OSBPL10: variants seen among roughly 807,000 people sequenced by gnomAD.
OSBPL10 encodes oxysterol-binding protein-related protein 10.
OSBPL10 carries 49 observed loss-of-function variants against 81.7 expected under a neutral mutation model. The observed-to-expected ratio is 0.60, with a 90% CI of 0.48 to 0.76. The LOEUF (loss-of-function observed/expected upper bound fraction) is 0.76. OSBPL10 is among the 30% of genes least tolerant of loss of function. The probability of loss-of-function intolerance (pLI) is 0.00; values close to 1 mark genes in which losing one functional copy is unlikely to be tolerated. For synonymous variants in OSBPL10, 419 were observed against 383.6 expected (o/e 1.09, Z -1.08); for missense variants, 923 against 987.8 (o/e 0.93, Z 0.88).
At chr3:31,754,473 A>G (rs1697826962) in intron 4 of OSBPL10, among the ~76,000 whole-genome samples, 2 of 152,194 alleles carry the variant, frequency 1.3e-5, no homozygotes, top group South Asian at 4.1e-4. Flanking sequence ...AAGAAAAAGA[A>G]GAAAGGAAAA....
chr3:31,771,489 T>C (rs1473252650), intron 4 of OSBPL10, among the ~76,000 whole-genome samples: 2 of 152,138 alleles, frequency 1.3e-5, no homozygotes, highest in African/African-American at 2.4e-5. Context: ...AAGGAATTAT[T>C]AACAGGACCC....
At chr3:31,897,355 C>T (rs544086566) in intron 1 of OSBPL10, among the ~76,000 whole-genome samples, 1 of 152,246 alleles carries the variant, frequency 6.6e-6, no homozygotes, top group Non-Finnish European at 1.5e-5. Context: ...GGCACTCTCT[C>T]AGAAGGCATC....
chr3:31,753,694 C>G (rs1697789901), intron 4 of OSBPL10, among the ~76,000 whole-genome samples: 1 of 152,188 alleles, frequency 6.6e-6, no homozygotes, highest in Non-Finnish European at 1.5e-5. Context: ...CAACACTCTG[C>G]CCTCTAAAAG....
intron 4 of OSBPL10, among the ~76,000 whole-genome samples, chr3:31,798,330 C>T (rs1014216746): frequency 7.9e-5 from 12 of 151,482 alleles, no homozygotes; most frequent in Non-Finnish European, 1.5e-5. Flanking sequence ...CTCAGGAAGC[C>T]GAGGCAGGAG....
chr3:31,988,255 G>A (rs546392255), intron 2 of OSBPL10, among the ~76,000 whole-genome samples: 7 of 152,246 alleles, frequency 4.6e-5, no homozygotes, highest in African/African-American at 1.2e-4. Flanking sequence ...CGGCACTTAC[G>A]GAGCTAAACT....
At chr3:32,014,877 C>A (rs1188383776) in intron 2 of OSBPL10, among the ~76,000 whole-genome samples, 1 of 152,074 alleles carries the variant, frequency 6.6e-6, no homozygotes, top group Non-Finnish European at 1.5e-5. Flanking sequence ...ACCTAGGAAT[C>A]CAACTTACAA....
chr3:31,946,578 C>T (rs973789914), intron 1 of OSBPL10, among the ~76,000 whole-genome samples: 5 of 152,112 alleles, frequency 3.3e-5, no homozygotes, highest in Non-Finnish European at 5.9e-5. Context: ...AGAGCAATTG[C>T]GGGAGGCACA....
chr3:31,912,485 A>AG (rs1200006949), intron 1 of OSBPL10, among the ~76,000 whole-genome samples: 2 of 152,134 alleles, frequency 1.3e-5, no homozygotes, highest in Non-Finnish European at 2.9e-5. Context: ...GTTATTGAGA[A>AG]GTTCCAAATG....
At chr3:31,961,907 GTT>G (rs34399596) in intron 1 of OSBPL10, among the ~76,000 whole-genome samples, 7 of 130,050 alleles carry the variant, frequency 5.4e-5, no homozygotes, top group African/African-American at 1.5e-4. Context: ...TTTTGTTTTG[GTT>G]TTTTTTTTTT....
chr3:31,715,748 C>T (rs772658674), intron 6 of OSBPL10, among the ~76,000 whole-genome samples: 18 of 152,152 alleles, frequency 1.2e-4, no homozygotes, highest in Non-Finnish European at 1.9e-4. Flanking sequence ...TGGTCCATGC[C>T]GAGACTAGAA....
chr3:31,926,288 T>TGCCCC (rs1553641085), intron 1 of OSBPL10, among the ~76,000 whole-genome samples: 1 of 88,148 alleles, frequency 1.1e-5, no homozygotes, highest in Non-Finnish European at 2.2e-5. Context: ...TGGGTGATTT[T>TGCCCC]GCCCCCCCAG....
At chr3:31,800,671 T>C (rs1699356357) in intron 4 of OSBPL10, among the ~76,000 whole-genome samples, 1 of 151,528 alleles carries the variant, frequency 6.6e-6, no homozygotes, top group South Asian at 2.1e-4. Context: ...AGACTTTTAA[T>C]GAACCACATG....
intron 3 of OSBPL10, among the ~76,000 whole-genome samples, chr3:31,846,595 G>A (rs894033091): frequency 6.6e-6 from 1 of 151,726 alleles, no homozygotes; most frequent in Non-Finnish European, 1.5e-5. Flanking sequence ...TCACGCCATT[G>A]CACTCCAGCC....
At chr3:31,896,579 G>C (rs915294046) in intron 1 of OSBPL10, among the ~76,000 whole-genome samples, 1 of 152,212 alleles carries the variant, frequency 6.6e-6, no homozygotes, top group Non-Finnish European at 1.5e-5. Flanking sequence ...GGACAGTCCA[G>C]GACAATCGGA....
chr3:31,725,628 T>C (rs1208448436), intron 6 of OSBPL10, among the ~76,000 whole-genome samples: 1 of 152,186 alleles, frequency 6.6e-6, no homozygotes, highest in African/African-American at 2.4e-5. Flanking sequence ...ATGAACCAAT[T>C]CATAGAAGCA....
In OSBPL10 at chr3:31,668,685, T is replaced by C. The variant is rs1260284071; in HGVS notation, c.2053A>G (p.Lys685Glu). 6.2e-7 allele frequency: 1 copy of C among 1,614,008 alleles called. No homozygotes were observed. Reference sequence around the variant, plus strand: ...TGCTTCTCAAGAGGTCTGATCTTCTTGGGATACACTGGCAGTGTGGTTGTG... The same window carrying C: ...TGCTTCTCAAGAGGTCTGATCTTCTCGGGATACACTGGCAGTGTGGTTGTG... The part of the protein sequence containing the change: ...IDTTTLPVYP[K>E]KIRPLEKQGP... The change falls in exon 10 of 12, where the codon AAG becomes GAG. Residue 685 changes from lysine to glutamate, a missense_variant. Around this residue, in one of 3 missense-constraint regions of OSBPL10, gnomAD observed 387 missense variants for 436.3 expected, o/e 0.89. Transcript: ENST00000396556.
chr3:32,029,377 T>C (rs892131908), intron 2 of OSBPL10, among the ~76,000 whole-genome samples: 6 of 152,168 alleles, frequency 3.9e-5, no homozygotes, highest in African/African-American at 1.4e-4. Context: ...TTGTTACATA[T>C]GTATACATGT....
In OSBPL10 at chr3:31,868,880, T is replaced by C. The variant is rs185185469; in HGVS notation, c.537+7553A>G. On this transcript the variant is annotated intron_variant, in intron 3 of 11. Coordinates refer to ENST00000396556, the MANE Select transcript of OSBPL10 (RefSeq NM_017784.5). ...CAACTCCCGAATCCACTCCCAAATA[T>C]TGACTTTTGTTGATTTTGAATGATC... Among the ~76,000 whole-genome samples the C allele has an allele frequency of 7.5e-4, 115 of 152,374 alleles. 2 individuals are homozygous for C. The highest frequency in any genetic ancestry group is 6.9e-3 in the Admixed American group (105 of 15,304).
chr3:31,970,780 A>C (rs1351577373), intron 1 of OSBPL10, among the ~76,000 whole-genome samples: 1 of 147,352 alleles, frequency 6.8e-6, no homozygotes, highest in African/African-American at 2.6e-5. Context: ...TCAGCGGCTT[A>C]AGAGCTTCTT....
Sources: allele counts gnomAD v4.1 joint callset (sites outside exome capture counted in the v4.1 genomes callset), GRCh38; gene constraint gnomAD v4.1.1; regional missense constraint gnomAD v4.1.1; transcripts MANE v1.5; gene names NCBI Gene and HGNC (gene_info 2026-07-23, HGNC 2026-07-21).